FER: variants seen among roughly 807,000 people sequenced by gnomAD.
The protein encoded by FER is tyrosine-protein kinase Fer.
Under a neutral mutation model 111.0 loss-of-function variants are expected in FER, and 63 were observed. The ratio of observed to expected loss-of-function variants is 0.57; its 90% CI spans 0.46 to 0.70. The LOEUF is 0.70. Among genes scored for constraint, FER ranks in the 30% least tolerant of loss-of-function variants. FER has a pLI of 0.00. For missense variants in FER, 914 were observed against 954.0 expected (o/e 0.96, Z 0.55); for synonymous variants, 327 against 313.9 (o/e 1.04, Z -0.44).
rs201854726 is a variant in FER, at chr5:109,187,575, G to A, written c.2469G>A (p.Ter823=). ...CTATCATCAAGAGAAAACTCACATA[G>A]TGACAGGATGGCGCCAAACTCAGCC... The part of the protein sequence containing the change: ...ELTIIKRKLT[*] The change falls in exon 20 of 20, where the codon TAG becomes TAA. Residue 823 remains the stop codon, a stop_retained_variant. Transcript: ENST00000281092. The A allele has an allele frequency of 6.8e-6, 11 of 1,613,930 alleles. No individual in the cohort carries two copies. The highest frequency in any genetic ancestry group is 9.3e-6 in the Non-Finnish European group (11 of 1,179,996).
intron 13 of FER, among the ~76,000 whole-genome samples, chr5:108,986,577 A>G (rs547392437): frequency 6.6e-6 from 1 of 152,274 alleles, no homozygotes; most frequent in African/African-American, 2.4e-5. Context: ...TTATAGTTTC[A>G]GATCTTAAAT....
chr5:108,999,287 T>G (rs914755189), intron 13 of FER, among the ~76,000 whole-genome samples: 1 of 152,194 alleles, frequency 6.6e-6, no homozygotes, highest in African/African-American at 2.4e-5. Context: ...TTATACAATT[T>G]TACTATTCTG....
intron 16 of FER, among the ~76,000 whole-genome samples, chr5:109,090,370 C>T (rs1317612280): frequency 6.6e-6 from 1 of 152,108 alleles, no homozygotes; most frequent in Non-Finnish European, 1.5e-5. Flanking sequence ...CTGTATGAAG[C>T]CAATCCATAA....
At chr5:109,084,408 A>T (rs956391721) in intron 16 of FER, among the ~76,000 whole-genome samples, 2 of 151,990 alleles carry the variant, frequency 1.3e-5, no homozygotes, top group Admixed American at 6.6e-5. Flanking sequence ...GATCCATTGC[A>T]CAACAGTGTG....
intron 2 of FER, among the ~76,000 whole-genome samples, chr5:108,774,477 A>C (rs879279698): frequency 2.0e-5 from 3 of 152,218 alleles, no homozygotes; most frequent in Non-Finnish European, 4.4e-5. Flanking sequence ...AGGAATTGCC[A>C]TACTGTCTTC....
intron 3 of FER, among the ~76,000 whole-genome samples, chr5:108,808,192 T>C (rs969255980): frequency 7.9e-5 from 12 of 152,108 alleles, no homozygotes; most frequent in Non-Finnish European, 1.6e-4. Flanking sequence ...TCTGTCTCAG[T>C]GATCTGTCTG....
At chr5:108,899,087 CAAA>C (rs762675202) in intron 10 of FER, among the ~76,000 whole-genome samples, 11 of 49,326 alleles carry the variant, frequency 2.2e-4, no homozygotes, top group Non-Finnish European at 2.6e-4. Flanking sequence ...GTCTCCATAG[CAAA>C]AAAAAAAAAA....
rs563676729 is a variant in FER at position 109,171,549 on chromosome 5, A to C, written c.2049-9198A>C. Among the ~76,000 whole-genome samples, 38 of 152,336 alleles carry C rather than the reference A, an allele frequency of 2.5e-4. 1 individual carries two copies. In the South Asian group the frequency reaches 7.9e-3, roughly 32 times the overall value. On this transcript the variant is annotated intron_variant, in intron 17 of 19. Coordinates refer to ENST00000281092, the MANE Select transcript of FER (RefSeq NM_005246.4). ...AATGACAGCCATTATCATGACGGCT[A>C]TTCAGTAAGAAGTGGTTTTGTCACT... is the stretch of plus-strand genomic sequence containing the variant.
intron 2 of FER, among the ~76,000 whole-genome samples, chr5:108,794,222 CTT>C (rs201053084): frequency 7.5e-6 from 1 of 133,782 alleles, no homozygotes; most frequent in Admixed American, 7.5e-5. Flanking sequence ...TTTTTTTTTT[CTT>C]TTTTTTTTTT....
intron 17 of FER, among the ~76,000 whole-genome samples, chr5:109,160,747 G>C (rs1755902291): frequency 6.6e-6 from 1 of 152,128 alleles, no homozygotes; most frequent in African/African-American, 2.4e-5. Flanking sequence ...AATGTCAACT[G>C]TCTGGGTCAT....
At chr5:108,752,085 G>C (rs1750569806) in intron 1 of FER, among the ~76,000 whole-genome samples, 1 of 151,958 alleles carries the variant, frequency 6.6e-6, no homozygotes, top group African/African-American at 2.4e-5. Flanking sequence ...CTTATGTATG[G>C]TTAACCTATC....
intron 13 of FER, 28 bp downstream of exon 13, chr5:108,959,375 T>C (rs1758859258): frequency 6.4e-7 from 1 of 1,558,524 alleles, no homozygotes; most frequent in Non-Finnish European, 8.7e-7. Context: ...TTTTTGTCTG[T>C]TTGTTTTAAA....
chr5:108,919,937 T>C (rs933688594), intron 10 of FER, among the ~76,000 whole-genome samples: 4 of 152,164 alleles, frequency 2.6e-5, no homozygotes, highest in African/African-American at 9.6e-5. Context: ...TAGAATTGTC[T>C]TAAAAGTTAC....
Position 109,187,799 on chromosome 5 carries a change from G to A in FER, c.*224G>A, listed in dbSNP as rs1179512418. 3 of 546,558 alleles carry A rather than the reference G, an allele frequency of 5.5e-6. No homozygotes were observed. Among genetic ancestry groups the A allele is most frequent in the Admixed American group, 6.4e-5 (2 of 31,018 alleles). The allele number at this position is 546,558 out of a possible 1,614,324, so 33.9% of individuals were successfully genotyped here. A position where few individuals can be genotyped will look rare whatever the true frequency, so the allele number is the denominator to read the frequency against. The stretch of plus-strand genomic sequence containing the variant: ...CCAAGGGCTTTCTTAGCTAACCATA[G>A]CAATCCTACCATTTCAGGCCATTGC... On this transcript the variant is annotated 3_prime_UTR_variant, in exon 20 of 20. Coordinates refer to ENST00000281092, the MANE Select transcript of FER (RefSeq NM_005246.4).
chr5:109,146,535 CTTGT>C (rs1355008202), intron 17 of FER, among the ~76,000 whole-genome samples: 2 of 151,560 alleles, frequency 1.3e-5, no homozygotes, highest in African/African-American at 4.8e-5. Flanking sequence ...TTTTAGCTGT[CTTGT>C]TTATTTCTAC....
chr5:108,819,418 A>T (rs1758612903), intron 3 of FER, among the ~76,000 whole-genome samples: 1 of 152,108 alleles, frequency 6.6e-6, no homozygotes, highest in African/African-American at 2.4e-5. Flanking sequence ...CAGGTGTAAC[A>T]CATTAAGAAT....
intron 13 of FER, among the ~76,000 whole-genome samples, chr5:108,969,952 A>G (rs945696956): frequency 6.8e-6 from 1 of 148,018 alleles, no homozygotes; most frequent in Admixed American, 6.6e-5. Context: ...TTCATTGAAC[A>G]TGTTACTATG....
intron 12 of FER, among the ~76,000 whole-genome samples, chr5:108,958,910 T>A (rs1025301016): frequency 1.1e-4 from 16 of 151,928 alleles, no homozygotes; most frequent in African/African-American, 3.9e-4. Context: ...TTCCTTTGGT[T>A]AGCATTTTAG....
At chr5:109,036,774 G>C (rs1328860468) in intron 13 of FER, among the ~76,000 whole-genome samples, 7 of 151,278 alleles carry the variant, frequency 4.6e-5, no homozygotes, top group African/African-American at 1.7e-4. Context: ...GCCTTTTTTA[G>C]ATGATAAAAT....
Sources: gnomAD v4.1 joint callset for allele counts (sites outside exome capture counted in the v4.1 genomes callset) on GRCh38, gnomAD v4.1.1 for gene constraint, MANE v1.5 for transcripts, NCBI Gene and HGNC (gene_info 2026-07-23, HGNC 2026-07-21) for gene names.